Variants in PTPRD observed in about 807,000 individuals in gnomAD.
PTPRD encodes protein tyrosine phosphatase receptor type D.
Under a neutral mutation model 214.5 loss-of-function variants are expected in PTPRD, and 34 were observed. The ratio of observed to expected loss-of-function variants is 0.16; its 90% confidence interval spans 0.12 to 0.21. The LOEUF (loss-of-function observed/expected upper bound fraction) is 0.21, where lower values mean the gene tolerates loss of function less well. PTPRD is among the 10% of genes least tolerant of loss of function. The probability of loss-of-function intolerance (pLI) is 1.00; values close to 1 mark genes in which losing one functional copy is unlikely to be tolerated. For synonymous variants in PTPRD, 1,128 were observed against 845.7 expected (o/e 1.33, Z -5.79); for missense variants, 2,545 against 2,398.7 (o/e 1.06, Z -1.27).
intron 3 of PTPRD, among the ~76,000 whole-genome samples, chr9:10,257,087 T>A (rs539343296): frequency 6.6e-6 from 1 of 152,342 alleles, no homozygotes; most frequent in African/African-American, 2.4e-5. Flanking sequence ...CAAAAAATGT[T>A]AATTTTTCTT....
chr9:10,418,955 T>C (rs1342535449), intron 2 of PTPRD, among the ~76,000 whole-genome samples: 3 of 151,824 alleles, frequency 2.0e-5, no homozygotes, highest in East Asian at 3.9e-4. Context: ...CTACTCTCAC[T>C]TGTTTTTCCT....
intron 8 of PTPRD, among the ~76,000 whole-genome samples, chr9:9,421,322 A>C (rs1356523163): frequency 1.1e-5 from 1 of 90,748 alleles, no homozygotes; most frequent in African/African-American, 4.2e-5. Context: ...TACAATATAA[A>C]CAGGAAATAT....
intron 44 of PTPRD, among the ~76,000 whole-genome samples, chr9:8,321,487 GTATATATATATATATATATATATA>G (rs750825729): frequency 2.2e-5 from 1 of 44,540 alleles, no homozygotes; most frequent in Non-Finnish European, 3.9e-5. Context: ...GTGTGTGTGT[GTATATATATATATATATATATATA>G]TATATATATA....
At chr9:9,512,309 A>G (rs1184288495) in intron 8 of PTPRD, among the ~76,000 whole-genome samples, 1 of 151,810 alleles carries the variant, frequency 6.6e-6, no homozygotes, top group Non-Finnish European at 1.5e-5. Context: ...GATTATTTCT[A>G]TTTTTCTGGG....
chr9:8,482,290 A>C (rs1013088984), intron 30 of PTPRD, among the ~76,000 whole-genome samples: 1 of 152,040 alleles, frequency 6.6e-6, no homozygotes, highest in Non-Finnish European at 1.5e-5. Context: ...CCAATAATGT[A>C]TGCTGTACTA....
At chr9:9,740,974 T>G (rs577866550) in intron 6 of PTPRD, among the ~76,000 whole-genome samples, 1 of 152,266 alleles carries the variant, frequency 6.6e-6, no homozygotes, top group South Asian at 2.1e-4. Context: ...AACCCAACAT[T>G]GGAAACTAGA....
intron 8 of PTPRD, among the ~76,000 whole-genome samples, chr9:9,468,054 C>T (rs2094338513): frequency 6.6e-6 from 1 of 151,982 alleles, no homozygotes; most frequent in African/African-American, 2.4e-5. Flanking sequence ...AGCAGTTTTG[C>T]ATTTGAATGT....
intron 37 of PTPRD, among the ~76,000 whole-genome samples, chr9:8,388,222 C>T (rs1027410824): frequency 1.8e-4 from 27 of 152,226 alleles, no homozygotes; most frequent in African/African-American, 6.5e-4. Context: ...ATATACACGC[C>T]CAGGCTTAGA....
At chr9:8,878,579 T>G (rs1411671986) in intron 11 of PTPRD, among the ~76,000 whole-genome samples, 1 of 151,966 alleles carries the variant, frequency 6.6e-6, no homozygotes, top group African/African-American at 2.4e-5. Flanking sequence ...TAGCCTCGAG[T>G]GCAGCAGTGT....
chr9:8,323,183 A>T (rs73428153), intron 44 of PTPRD, among the ~76,000 whole-genome samples: 1,988 of 152,286 alleles, frequency 0.013, 42 homozygotes, highest in African/African-American at 0.044. Context: ...CCTACTGCTT[A>T]GAATAAAAGA....
At chr9:9,429,853 C>G (rs79622872) in intron 8 of PTPRD, among the ~76,000 whole-genome samples, 10,031 of 143,536 alleles carry the variant, frequency 0.07, 366 homozygotes, top group Middle Eastern at 0.18. Context: ...ATTCAACAAC[C>G]CTTCATGCTA....
At chr9:9,173,231 T>C (rs1244466141) in intron 10 of PTPRD, among the ~76,000 whole-genome samples, 4 of 152,164 alleles carry the variant, frequency 2.6e-5, no homozygotes, top group African/African-American at 9.7e-5. Flanking sequence ...ACCTACTCAG[T>C]TCAAAATTTG....
intron 14 of PTPRD, among the ~76,000 whole-genome samples, chr9:8,621,605 A>T (rs1434002711): frequency 6.6e-6 from 1 of 151,630 alleles, no homozygotes; most frequent in Non-Finnish European, 1.5e-5. Context: ...CCAGATGATG[A>T]TTTATCTGTT....
chr9:9,097,929 G>T (rs2099786003), intron 10 of PTPRD, among the ~76,000 whole-genome samples: 2 of 152,222 alleles, frequency 1.3e-5, no homozygotes, highest in Middle Eastern at 3.4e-3. Flanking sequence ...GGCTCGTCTG[G>T]CAGGCATGCT....
intron 11 of PTPRD, among the ~76,000 whole-genome samples, chr9:8,882,505 G>T (rs2098454763): frequency 6.6e-6 from 1 of 152,102 alleles, no homozygotes; most frequent in Non-Finnish European, 1.5e-5. Context: ...AATCTTTATA[G>T]GTTCAGAACC....
intron 7 of PTPRD, among the ~76,000 whole-genome samples, chr9:9,714,144 A>G (rs1419324804): frequency 6.6e-6 from 1 of 152,030 alleles, no homozygotes; most frequent in Non-Finnish European, 1.5e-5. Context: ...TCCTTCACTA[A>G]AGCTTCCTGT....
intron 12 of PTPRD, among the ~76,000 whole-genome samples, chr9:8,729,840 C>T (rs2098635388): frequency 6.6e-6 from 1 of 152,224 alleles, no homozygotes; most frequent in Admixed American, 6.5e-5. Context: ...AAATGATTAT[C>T]TTACAACACA....
intron 8 of PTPRD, among the ~76,000 whole-genome samples, chr9:9,542,995 A>G (rs2077961981): frequency 6.6e-6 from 1 of 151,690 alleles, no homozygotes; most frequent in East Asian, 1.9e-4. Flanking sequence ...CCTGAGATAC[A>G]TGAAAACGTA....
rs558096018 is a variant in PTPRD, at chr9:8,515,795, C to T, written c.1543+2053G>A. 3.3e-5 allele frequency among the ~76,000 whole-genome samples: 5 copies of T among 152,224 alleles called. No homozygotes were observed. The East Asian group carries it at 9.7e-4, about 29-fold the overall frequency. On this transcript the variant is annotated intron_variant, in intron 21 of 45. Coordinates refer to ENST00000381196, the MANE Select transcript of PTPRD (RefSeq NM_002839.4). The stretch of plus-strand genomic sequence containing the variant: ...CACCTTGATCTCAGACTCCCTAGGC[C>T]CCAGAACTGTGAGACAATAGATTCC...
Sources: allele counts gnomAD v4.1 joint callset (sites outside exome capture counted in the v4.1 genomes callset), GRCh38; gene constraint gnomAD v4.1.1; transcripts MANE v1.5; gene names NCBI Gene and HGNC (gene_info 2026-07-23, HGNC 2026-07-21).